Variants in PRTG observed in about 807,000 individuals in gnomAD.
The protein encoded by PRTG is protogenin.
PRTG carries 67 observed loss-of-function variants against 122.5 expected under a neutral mutation model. The ratio of observed to expected loss-of-function variants is 0.55; its 90% CI spans 0.45 to 0.67. The LOEUF (loss-of-function observed/expected upper bound fraction) is 0.67. PRTG is among the 30% of genes least tolerant of loss of function. PRTG has a pLI of 0.00. For synonymous variants in PRTG, 554 were observed against 501.1 expected (o/e 1.11, Z -1.41); for missense variants, 1,435 against 1,415.4 (o/e 1.01, Z -0.22).
chr15:55,699,643 C>T (rs558854753), intron 2 of PRTG, among the ~76,000 whole-genome samples: 15 of 152,220 alleles, frequency 9.9e-5, no homozygotes, highest in African/African-American at 3.6e-4. Context: ...TATATCTGTA[C>T]ATAAATATAT....
chr15:55,736,377 CA>C, intron 2 of PRTG, among the ~76,000 whole-genome samples: 1 of 139,980 alleles, frequency 7.1e-6, no homozygotes, highest in Non-Finnish European at 1.6e-5. Context: ...ATCACTTCCC[CA>C]TCTTTTTTTT....
At chr15:55,665,533 G>T in intron 11 of PRTG, among the ~76,000 whole-genome samples, 1 of 149,054 alleles carries the variant, frequency 6.7e-6, no homozygotes, top group African/African-American at 2.5e-5. Flanking sequence ...ATCTTTCAGT[G>T]GTTAAAAAAA....
intron 17 of PRTG, among the ~76,000 whole-genome samples, chr15:55,626,603 A>G (rs1202441613): frequency 6.8e-6 from 1 of 148,096 alleles, no homozygotes; most frequent in African/African-American, 2.5e-5. Flanking sequence ...ACAAAAAAAA[A>G]AAAAATTAGC....
intron 18 of PRTG, among the ~76,000 whole-genome samples, chr15:55,624,073 T>C (rs1468388817): frequency 6.6e-6 from 1 of 152,120 alleles, no homozygotes; most frequent in Non-Finnish European, 1.5e-5. Context: ...TATAATCTCA[T>C]CTAACTGAGA....
intron 11 of PRTG, among the ~76,000 whole-genome samples, chr15:55,664,871 G>A (rs1294023128): frequency 1.3e-5 from 2 of 152,054 alleles, no homozygotes; most frequent in Non-Finnish European, 2.9e-5. Context: ...ATACGTGTGA[G>A]CCACTGCACC....
At chr15:55,724,778 TA>T (rs1414592420) in intron 2 of PRTG, among the ~76,000 whole-genome samples, 2 of 144,528 alleles carry the variant, frequency 1.4e-5, no homozygotes, top group Non-Finnish European at 3.0e-5. Context: ...AAAAATAAAA[TA>T]AAAAGAAAAC....
intron 2 of PRTG, among the ~76,000 whole-genome samples, chr15:55,731,758 CAAGAT>C (rs1208162157): frequency 6.6e-6 from 1 of 152,188 alleles, no homozygotes; most frequent in African/African-American, 2.4e-5. Flanking sequence ...GCAAAACTCT[CAAGAT>C]AAAGTCAGAA....
Position 55,683,901 on chromosome 15 carries a change from G to T in PRTG, c.428C>A (p.Ser143Tyr), listed in dbSNP as rs369154945. ...TISAFEVQPISTEVHEGGVAR... is the reference protein window; with the variant it reads ...TISAFEVQPIYTEVHEGGVAR... Reference sequence around the variant, plus strand: ...AACTCCACCTTCGTGGACCTCAGTGGAAATTGGCTGGACTTCAAATGCAGA... The same window carrying T: ...AACTCCACCTTCGTGGACCTCAGTGTAAATTGGCTGGACTTCAAATGCAGA... The change falls in exon 3 of 20, where the codon TCC becomes TAC. Residue 143 changes from serine (S) to tyrosine (Y), a missense_variant. Physicochemically the swap from Ser to Tyr is moderately radical, Grantham distance 144. Transcript: ENST00000389286. 5 of 1,613,518 alleles carry T rather than the reference G, an allele frequency of 3.1e-6. No individual in the cohort carries two copies. Among genetic ancestry groups the T allele is most frequent in the Admixed American group, 1.7e-5 (1 of 59,924 alleles).
In PRTG at chr15:55,743,148, G is replaced by T; in HGVS notation, c.-217C>A. ...GGGGCCTGAGAGTCCGGCTGGGGGC[G>T]GAGTGAGGCGGCGGCTGCAGAGGGC... On this transcript the variant is annotated 5_prime_UTR_variant, in exon 1 of 20. Transcript: ENST00000389286. 8.0e-7 allele frequency: 1 copy of T among 1,243,684 alleles called. No individual in the cohort carries two copies. Among genetic ancestry groups the T allele is most frequent in the South Asian group, 3.3e-5 (1 of 30,702 alleles). 77.0% of individuals were successfully genotyped at this position (1,243,684 alleles called of 1,614,324 possible). A position where few individuals can be genotyped will look rare whatever the true frequency, so the allele number is the denominator to read the frequency against.
chr15:55,741,573 T>G (rs755137678), intron 1 of PRTG, among the ~76,000 whole-genome samples: 5 of 152,152 alleles, frequency 3.3e-5, no homozygotes, highest in Non-Finnish European at 7.3e-5. Context: ...CTCTGTCACC[T>G]CCTGCATTTA....
At chr15:55,622,163 C>T (rs1402601272) in intron 18 of PRTG, among the ~76,000 whole-genome samples, 1 of 151,222 alleles carries the variant, frequency 6.6e-6, no homozygotes, top group African/African-American at 2.4e-5. Flanking sequence ...TAACCTCTCT[C>T]ATATCTACTT....
intron 15 of PRTG, among the ~76,000 whole-genome samples, chr15:55,629,375 A>ATATATATGTG (rs1374294067): frequency 2.1e-5 from 1 of 47,938 alleles, no homozygotes; most frequent in Non-Finnish European, 4.2e-5. Context: ...ATATATATAT[A>ATATATATGTG]TGTGTGTGTG....
intron 11 of PRTG, chr15:55,654,962 A>G (rs1322320893): frequency 6.6e-6 from 1 of 152,192 alleles, no homozygotes; most frequent in Non-Finnish European, 1.5e-5. Context: ...TCAAATCTCA[A>G]CCCTCAGCAG....
chr15:55,632,230 C>A (rs2059231582), intron 15 of PRTG, among the ~76,000 whole-genome samples: 1 of 152,218 alleles, frequency 6.6e-6, no homozygotes, highest in Non-Finnish European at 1.5e-5. Flanking sequence ...TCCCAGTGAT[C>A]TGGCTTCTGT....
chr15:55,723,492 AAGAG>A (rs1157395998), intron 2 of PRTG, among the ~76,000 whole-genome samples: 1 of 152,058 alleles, frequency 6.6e-6, no homozygotes, highest in Non-Finnish European at 1.5e-5. Context: ...GGGAAAAAGA[AAGAG>A]AAAGAGGCAG....
chr15:55,621,783 AG>A (rs2141707972), intron 18 of PRTG, among the ~76,000 whole-genome samples: 1 of 152,340 alleles, frequency 6.6e-6, no homozygotes, highest in South Asian at 2.1e-4. Context: ...AAACACATTA[AG>A]ATACATATAT....
At chr15:55,703,517 G>A (rs1045816008) in intron 2 of PRTG, among the ~76,000 whole-genome samples, 3 of 152,170 alleles carry the variant, frequency 2.0e-5, no homozygotes, top group African/African-American at 7.2e-5. Context: ...AAGAGGAAGA[G>A]TCTGTGTTGG....
intron 18 of PRTG, among the ~76,000 whole-genome samples, chr15:55,621,527 C>T (rs9920740): frequency 0.21 from 31,632 of 151,540 alleles, 3,970 homozygotes; most frequent in East Asian, 0.56. Context: ...GGCATGGTAG[C>T]GTGCGCTTCT....
At position 55,742,995 on chromosome 15, in the gene PRTG, C is replaced by A. The variant is rs1169536740; in HGVS notation, c.-64G>T. 3 of 1,389,088 alleles carry A rather than the reference C, an allele frequency of 2.2e-6. No individual in the cohort carries two copies. Among genetic ancestry groups the A allele is most frequent in the Non-Finnish European group, 2.8e-6 (3 of 1,076,246 alleles). The allele number at this position is 1,389,088 out of a possible 1,614,324, so 86.0% of individuals were successfully genotyped here. A position where few individuals can be genotyped will look rare whatever the true frequency, so the allele number is the denominator to read the frequency against. ...AGCCCCTGTCCGTCTGCGGCCCCCG[C>A]CCCGGGCGCTCTCTGCTCTGCGGCT... is the stretch of plus-strand genomic sequence containing the variant. On this transcript the variant is annotated 5_prime_UTR_variant, in exon 1 of 20. Transcript: ENST00000389286.
Sources: gnomAD v4.1 joint callset for allele counts (sites outside exome capture counted in the v4.1 genomes callset) on GRCh38, gnomAD v4.1.1 for gene constraint, MANE v1.5 for transcripts, NCBI Gene and HGNC (gene_info 2026-07-23, HGNC 2026-07-21) for gene names.